Variants in HNRNPA2B1 observed in about 807,000 individuals in gnomAD.
HNRNPA2B1 encodes the protein heterogeneous nuclear ribonucleoprotein A2/B1, also known as heterogeneous nuclear ribonucleoproteins A2/B1.
Under a neutral mutation model 46.3 loss-of-function variants are expected in HNRNPA2B1, and 3 were observed. That is an observed-to-expected ratio of 0.06 (90% CI 0.03 to 0.17). The LOEUF (loss-of-function observed/expected upper bound fraction) is 0.17, where lower values mean the gene tolerates loss of function less well. HNRNPA2B1 is among the 10% of genes least tolerant of loss of function. The probability of loss-of-function intolerance (pLI) is 1.00; values close to 1 mark genes in which losing one functional copy is unlikely to be tolerated. For missense variants in HNRNPA2B1, 221 were observed against 418.9 expected, an observed-to-expected ratio of 0.53 and a Z score of 4.12; for synonymous variants, 225 against 133.8, an observed-to-expected ratio of 1.68 and a Z score of -4.70.
In HNRNPA2B1 at chr7:26,197,470, C is replaced by T. The variant is rs370254254; in HGVS notation, c.118-9G>A. 6.2e-7 allele frequency: 1 copy of T among 1,612,622 alleles called. No homozygotes were observed. The highest frequency in any genetic ancestry group is 8.5e-7 in the Non-Finnish European group (1 of 1,179,374). On this transcript the variant is annotated splice_polypyrimidine_tract_variant and intron_variant, in intron 2 of 10. Transcript: ENST00000618183. ...GCAGGATCCCTCATTACCTTTCAAA[C>T]CAAAGGGTAAACTTTAGCATTTAAT...
chr7:26,190,669 C>T lies in HNRNPA2B1; in HGVS notation c.*1691G>A, dbSNP rs4273. 7,353 of 152,258 alleles carry T rather than the reference C, an allele frequency of 0.048. 550 individuals carry two copies. Among genetic ancestry groups the T allele is most frequent in the East Asian group, 0.36 (1,850 of 5,180 alleles). 9.4% of individuals were successfully genotyped at this position (152,258 alleles called of 1,614,324 possible). A position where few individuals can be genotyped will look rare whatever the true frequency, so the allele number is the denominator to read the frequency against. On this transcript the variant is annotated 3_prime_UTR_variant, in exon 11 of 11. Transcript: ENST00000618183. ...ATTTCAACAGCCAACCTACAACTTT[C>T]TCTTCAGGGTAAGACACTGAACTAG...
At chr7:26,199,306 T>G (rs1338105440) in intron 1 of HNRNPA2B1, 2 of 152,566 alleles carry the variant, frequency 1.3e-5, no homozygotes, top group Non-Finnish European at 2.9e-5. Flanking sequence ...TGAGACCTTA[T>G]GCTTATCAAT....
intron 9 of HNRNPA2B1, 125 bp from the exon 10 acceptor site, chr7:26,192,702 C>CA (rs1197026148): frequency 2.6e-6 from 2 of 778,932 alleles, no homozygotes; most frequent in Non-Finnish European, 4.3e-6. Context: ...TAATCCTTTG[C>CA]AGCCAGTTAG....
chr7:26,200,004 C>A, intron 1 of HNRNPA2B1: 1 of 157,614 alleles, frequency 6.3e-6, no homozygotes, highest in Non-Finnish European at 1.4e-5. Flanking sequence ...CCAAATCCAC[C>A]TCGAAACGAT....
intron 7 of HNRNPA2B1, 29 bp from the exon 8 acceptor site, chr7:26,193,723 A>G: frequency 1.3e-6 from 2 of 1,589,120 alleles, no homozygotes; most frequent in Admixed American, 1.8e-5. Flanking sequence ...TTAAGTAATC[A>G]CTTAATATTT....
rs999889796 is a variant in HNRNPA2B1, at chr7:26,200,711, G to A, written c.-134C>T. 2.6e-5 allele frequency: 29 copies of A among 1,125,558 alleles called. 1 individual carries two copies. Among genetic ancestry groups the A allele is most frequent in the Middle Eastern group, 4.1e-4 (2 of 4,926 alleles). The allele number at this position is 1,125,558 out of a possible 1,614,324, so 69.7% of individuals were successfully genotyped here. Reference sequence around the variant, plus strand: ...GCTGCTCGAGAAACAACTCTGCGAGGAGCACCTCCGCACGGGACCCGGCGC... The same window carrying A: ...GCTGCTCGAGAAACAACTCTGCGAGAAGCACCTCCGCACGGGACCCGGCGC... On this transcript the variant is annotated 5_prime_UTR_variant, in exon 1 of 11. Coordinates refer to ENST00000618183, the MANE Select transcript of HNRNPA2B1 (RefSeq NM_002137.4).
chr7:26,195,687 A>G (rs764313650), intron 7 of HNRNPA2B1, 160 bp downstream of exon 7: 4 of 716,358 alleles, frequency 5.6e-6, no homozygotes, highest in Non-Finnish European at 9.0e-6. Context: ...ATAACAGCTA[A>G]GATGGCAAAA....
At chr7:26,193,143 A>G (rs1783104221) in intron 9 of HNRNPA2B1, 108 bp downstream of exon 9, 3 of 1,053,338 alleles carry the variant, frequency 2.8e-6, no homozygotes, top group Admixed American at 2.3e-5. Context: ...CCGTACATGG[A>G]GCACTGCCCA....
chr7:26,190,675 A>T lies in HNRNPA2B1; in HGVS notation c.*1685T>A, dbSNP rs1331159314. 1.3e-5 allele frequency: 2 copies of T among 152,238 alleles called. No homozygotes were observed. The highest frequency in any genetic ancestry group is 2.9e-5 in the Non-Finnish European group (2 of 68,026). The allele number at this position is 152,238 out of a possible 1,614,324, so 9.4% of individuals were successfully genotyped here. On this transcript the variant is annotated 3_prime_UTR_variant, in exon 11 of 11. Transcript: ENST00000618183. ...ACAGCCAACCTACAACTTTCTCTTC[A>T]GGGTAAGACACTGAACTAGAATTAC... is the stretch of plus-strand genomic sequence containing the variant.
At chr7:26,194,989 G>A (rs1337370323) in intron 7 of HNRNPA2B1, among the ~76,000 whole-genome samples, 2 of 150,974 alleles carry the variant, frequency 1.3e-5, no homozygotes, top group Admixed American at 6.6e-5. Flanking sequence ...AGCTACTCAG[G>A]AGGCTGAGGC....
rs1554333695 is a variant in HNRNPA2B1, at chr7:26,196,430, C to A, written c.629G>T (p.Gly210Val). 3.7e-6 allele frequency: 6 copies of A among 1,614,156 alleles called. No individual in the cohort carries two copies. The highest frequency in any genetic ancestry group is 3.4e-6 in the Non-Finnish European group (4 of 1,180,004). The change falls in exon 6 of 11, where the codon GGA (glycine) becomes GTA (valine). Residue 210 changes from glycine to valine, a missense_variant. By Grantham distance (109) the Gly-to-Val change is moderately radical. Coordinates refer to ENST00000618183, the MANE Select transcript of HNRNPA2B1 (RefSeq NM_002137.4). ...SRGGGGNFGP[G>V]PGSNFRGGSD... ...TCCTCCTCTAAAGTTACTTCCTGGT[C>A]CTGGTCCGAAATTTCCACCGCCACC... is the stretch of plus-strand genomic sequence containing the variant.
At position 26,190,749 on chromosome 7, in the gene HNRNPA2B1, T is replaced by C. The variant is rs1023764165; in HGVS notation, c.*1611A>G. 3.3e-5 allele frequency: 5 copies of C among 152,192 alleles called. No individual in the cohort carries two copies. The highest frequency in any genetic ancestry group is 7.4e-5 in the Non-Finnish European group (5 of 68,020). The allele number at this position is 152,192 out of a possible 1,614,324, so 9.4% of individuals were successfully genotyped here. On this transcript the variant is annotated 3_prime_UTR_variant, in exon 11 of 11. Transcript: ENST00000618183. ...ACTGGATACATACCAGGCTTCATAA[T>C]GCAGACAAGACACTTCACTCAAGTA...
chr7:26,194,508 G>C (rs1266196084), intron 7 of HNRNPA2B1, among the ~76,000 whole-genome samples: 1 of 151,142 alleles, frequency 6.6e-6, no homozygotes, highest in African/African-American at 2.5e-5. Flanking sequence ...AGACCAGCCA[G>C]GGCAACACAG....
In HNRNPA2B1 at chr7:26,191,526, GTTT is replaced by G. The variant is rs1562694444; in HGVS notation, c.*831_*833del. ...GTTAAAGTTTTGTAGAAACAGCACA[GTTT>G]TTTAAGACTGGCTGAACTTAGTAGC... is the stretch of plus-strand genomic sequence containing the variant. On this transcript the variant is annotated 3_prime_UTR_variant, in exon 11 of 11. Transcript: ENST00000618183. The G allele has an allele frequency of 6.6e-6, 1 of 152,192 alleles. No individual in the cohort carries two copies. The highest frequency in any genetic ancestry group is 2.1e-4 in the South Asian group (1 of 4,838). The allele number at this position is 152,192 out of a possible 1,614,324, so 9.4% of individuals were successfully genotyped here.
chr7:26,196,003 A>T (rs945031898), intron 6 of HNRNPA2B1, 94 bp from the exon 7 acceptor site: 1 of 1,470,968 alleles, frequency 6.8e-7, no homozygotes, highest in African/African-American at 1.4e-5. Flanking sequence ...TCAGCACAAT[A>T]ATTAAGAACC....
At chr7:26,197,944 T>C in intron 1 of HNRNPA2B1, 2 of 869,808 alleles carry the variant, frequency 2.3e-6, no homozygotes, top group Non-Finnish European at 3.3e-6. Context: ...ACCAAAAAAT[T>C]GCCTCAGCTG....
chr7:26,195,604 C>G (rs954188661), intron 7 of HNRNPA2B1: 1 of 492,472 alleles, frequency 2.0e-6, no homozygotes, highest in Admixed American at 3.9e-5. Flanking sequence ...AATCATTTTG[C>G]TTGAGAAAAG....
At chr7:26,195,023 G>A (rs1315440109) in intron 7 of HNRNPA2B1, among the ~76,000 whole-genome samples, 2 of 147,872 alleles carry the variant, frequency 1.4e-5, no homozygotes, top group South Asian at 2.1e-4. Flanking sequence ...GGACCGGGAA[G>A]GCAGAGATTG....
In HNRNPA2B1 at chr7:26,195,674, G is replaced by A. The variant is rs568187199; in HGVS notation, c.721+173C>T. Reference sequence around the variant, plus strand: ...TTTAAAATGGCACTCTATTCCTTAGGCTATAACAGCTAAGATGGCAAAACT... The same window carrying A: ...TTTAAAATGGCACTCTATTCCTTAGACTATAACAGCTAAGATGGCAAAACT... On this transcript the variant is annotated intron_variant, in intron 7 of 10. Coordinates refer to ENST00000618183, the MANE Select transcript of HNRNPA2B1 (RefSeq NM_002137.4). The A allele has an allele frequency of 3.4e-4, 218 of 633,416 alleles. 5 individuals are homozygous for A. In the South Asian group the frequency reaches 4.6e-3, roughly 13 times the overall value. 39.2% of individuals were successfully genotyped at this position (633,416 alleles called of 1,614,324 possible). A position where few individuals can be genotyped will look rare whatever the true frequency, so the allele number is the denominator to read the frequency against.
Sources: allele counts gnomAD v4.1 joint callset (sites outside exome capture counted in the v4.1 genomes callset), GRCh38; gene constraint gnomAD v4.1.1; transcripts MANE v1.5; gene names NCBI Gene and HGNC (gene_info 2026-07-23, HGNC 2026-07-21).